The following CEP70 variants were observed in gnomAD, a reference collection of about 807,000 sequenced individuals.
CEP70 encodes centrosomal protein of 70 kDa.
Under a neutral mutation model 90.9 loss-of-function variants are expected in CEP70, and 70 were observed. The observed-to-expected ratio is 0.77, with a 90% CI of 0.64 to 0.94. The LOEUF is 0.94. CEP70 is among the 40% of genes least tolerant of loss of function. The pLI is 0.00. For missense variants in CEP70, 648 were observed against 669.0 expected (o/e 0.97, Z 0.35); for synonymous variants, 220 against 228.3 (o/e 0.96, Z 0.33).
intron 11 of CEP70, among the ~76,000 whole-genome samples, chr3:138,522,246 C>A (rs2036730499): frequency 6.6e-6 from 1 of 150,874 alleles, no homozygotes; most frequent in Non-Finnish European, 1.5e-5. Context: ...CTGCCAAATC[C>A]CCCTCTCCGA....
chr3:138,588,204 A>T (rs1396169244), intron 2 of CEP70, among the ~76,000 whole-genome samples: 2 of 152,230 alleles, frequency 1.3e-5, no homozygotes, highest in Non-Finnish European at 2.9e-5. Context: ...TGTCTATGAT[A>T]TGACACCAAA....
intron 11 of CEP70, among the ~76,000 whole-genome samples, chr3:138,512,107 G>T (rs1179087836): frequency 6.6e-6 from 1 of 152,140 alleles, no homozygotes; most frequent in Non-Finnish European, 1.5e-5. Context: ...AAGAAATGTT[G>T]GCTTATGGAT....
chr3:138,575,620 G>A (rs150573432), intron 2 of CEP70, among the ~76,000 whole-genome samples: 11 of 152,078 alleles, frequency 7.2e-5, no homozygotes, highest in East Asian at 3.9e-4. Flanking sequence ...GATACTCCTC[G>A]AGAAGAGCAA....
chr3:138,570,906 A>G, intron 5 of CEP70, 128 bp downstream of exon 5: 1 of 731,880 alleles, frequency 1.4e-6, no homozygotes, highest in Non-Finnish European at 2.0e-6. Flanking sequence ...TTAAAATTTT[A>G]CCTACAAAAA....
chr3:138,549,409 G>A (rs1576777938), intron 6 of CEP70, among the ~76,000 whole-genome samples: 1 of 151,760 alleles, frequency 6.6e-6, no homozygotes, highest in East Asian at 1.9e-4. Flanking sequence ...TGGATTGCGT[G>A]GGAGCTGGGT....
intron 2 of CEP70, among the ~76,000 whole-genome samples, chr3:138,579,552 A>C (rs1205521467): frequency 6.6e-6 from 1 of 151,882 alleles, no homozygotes; most frequent in Non-Finnish European, 1.5e-5. Context: ...GGCACTGAGC[A>C]GAGTTATGAG....
intron 2 of CEP70, among the ~76,000 whole-genome samples, chr3:138,575,383 C>T (rs112060991): frequency 8.6e-4 from 131 of 151,770 alleles, no homozygotes; most frequent in African/African-American, 2.2e-3. Flanking sequence ...TGAAATGAAG[C>T]GAGAAGAGAA....
rs554258995 is a variant in CEP70, at chr3:138,582,773, AAAAT to A, written c.-6+9077_-6+9080del. 2.0e-5 allele frequency among the ~76,000 whole-genome samples: 3 copies of A among 152,212 alleles called. No homozygotes were observed. The South Asian group carries it at 6.2e-4, about 32-fold the overall frequency. Reference sequence around the variant, plus strand: ...AACTAGACTCCATCTCAAAAAAATAAAAATAAATAAATAAATAAGATAATGGATT... The same window carrying A: ...AACTAGACTCCATCTCAAAAAAATAAAAATAAATAAATAAGATAATGGATT... On this transcript the variant is annotated intron_variant, in intron 2 of 17. Transcript: ENST00000264982.
At chr3:138,536,128 C>T (rs1009650192) in intron 7 of CEP70, among the ~76,000 whole-genome samples, 3 of 151,364 alleles carry the variant, frequency 2.0e-5, no homozygotes, top group African/African-American at 7.3e-5. Context: ...CATATAATAC[C>T]GCTTAAAATG....
rs907998019 is a variant in CEP70 at position 138,581,884 on chromosome 3, G to GA, written c.-5-8953dup. On this transcript the variant is annotated intron_variant, in intron 2 of 17. Transcript: ENST00000264982. ...GGCATTAATAAGCTCCCAAGGTCAAGAAAAAAAAAATTCTGTAAGCAGAAA... is the reference window on the plus strand; with the variant it reads ...GGCATTAATAAGCTCCCAAGGTCAAGAAAAAAAAAAATTCTGTAAGCAGAAA... Among the ~76,000 whole-genome samples, 855 of 149,018 alleles carry GA rather than the reference G, an allele frequency of 5.7e-3. 7 individuals are homozygous for GA. Among genetic ancestry groups the GA allele is most frequent in the African/African-American group, 0.02 (815 of 40,696 alleles).
chr3:138,519,382 A>AGAT (rs1302357472), intron 11 of CEP70, among the ~76,000 whole-genome samples: 2 of 152,344 alleles, frequency 1.3e-5, no homozygotes, highest in Admixed American at 1.3e-4. Flanking sequence ...CATAATTGTC[A>AGAT]GATTCATCAA....
At chr3:138,516,749 T>C (rs1450871676) in intron 11 of CEP70, among the ~76,000 whole-genome samples, 7 of 152,236 alleles carry the variant, frequency 4.6e-5, no homozygotes. Flanking sequence ...CACTGTGTTA[T>C]GTGTTGCCAT....
At position 138,508,676 on chromosome 3, in the gene CEP70, CACATGTATGT is replaced by C. The variant is rs945644659; in HGVS notation, c.945-142_945-133del. 5 of 651,704 alleles carry C rather than the reference CACATGTATGT, an allele frequency of 7.7e-6. No homozygotes were observed. In the African/African-American group the frequency reaches 9.0e-5, roughly 12 times the overall value. The allele number at this position is 651,704 out of a possible 1,614,324, so 40.4% of individuals were successfully genotyped here. ...CACTTTACTTATATGTGTGTGTGCA[CACATGTATGT>C]ATGTGTATGTATAAACACATACATA... On this transcript the variant is annotated intron_variant, in intron 11 of 17. Transcript: ENST00000264982.
At chr3:138,521,968 T>C (rs2036697465) in intron 11 of CEP70, among the ~76,000 whole-genome samples, 1 of 152,228 alleles carries the variant, frequency 6.6e-6, no homozygotes, top group Admixed American at 6.5e-5. Context: ...GGGATGCTGT[T>C]AATCTATAAC....
At chr3:138,505,854 C>T (rs1184338090) in intron 12 of CEP70, among the ~76,000 whole-genome samples, 1 of 152,068 alleles carries the variant, frequency 6.6e-6, no homozygotes, top group Non-Finnish European at 1.5e-5. Context: ...TGGATGAGGC[C>T]CACCCCATTA....
intron 11 of CEP70, among the ~76,000 whole-genome samples, chr3:138,520,841 C>T (rs983925791): frequency 6.6e-6 from 1 of 152,126 alleles, no homozygotes; most frequent in African/African-American, 2.4e-5. Context: ...TCCCACTTGG[C>T]CACAGTCTCC....
At chr3:138,586,414 G>T (rs1355771531) in intron 2 of CEP70, among the ~76,000 whole-genome samples, 3 of 152,226 alleles carry the variant, frequency 2.0e-5, no homozygotes, top group Admixed American at 1.3e-4. Context: ...GCCAAGATTT[G>T]GAAGCAACCC....
At chr3:138,503,274 A>G (rs2034681053) in intron 13 of CEP70, among the ~76,000 whole-genome samples, 1 of 152,136 alleles carries the variant, frequency 6.6e-6, no homozygotes, top group South Asian at 2.1e-4. Context: ...ATATAAGTGG[A>G]ATCTTCTTGT....
chr3:138,572,226 G>C (rs565217690), intron 3 of CEP70, among the ~76,000 whole-genome samples: 11 of 152,308 alleles, frequency 7.2e-5, no homozygotes, highest in Admixed American at 3.9e-4. Context: ...GACTCTAACA[G>C]AATCACCCTG....
Sources: gnomAD v4.1 joint callset for allele counts (sites outside exome capture counted in the v4.1 genomes callset) on GRCh38, gnomAD v4.1.1 for gene constraint, MANE v1.5 for transcripts, NCBI Gene and HGNC (gene_info 2026-07-23, HGNC 2026-07-21) for gene names.